Variants in SEPTIN6 observed in about 807,000 individuals in gnomAD.
The protein encoded by SEPTIN6 is septin 6.
A neutral mutation model predicts 33.6 loss-of-function variants in SEPTIN6; 8 were observed. The ratio of observed to expected loss-of-function variants is 0.24; its 90% CI spans 0.14 to 0.43. The LOEUF (loss-of-function observed/expected upper bound fraction) is 0.43. SEPTIN6 is among the 20% of genes least tolerant of loss of function. SEPTIN6 has a pLI of 1.00. For synonymous variants in SEPTIN6, 131 were observed against 140.0 expected (o/e 0.94, Z 0.45); for missense variants, 250 against 340.8 (o/e 0.73, Z 2.10).
downstream of SEPTIN6, chrX:119,615,887 A>C (rs1569414649): frequency 6.0e-6 from 1 of 166,449 alleles, no homozygotes; most frequent in African/African-American, 3.0e-5. Context: ...AGAAAGGAAA[A>C]ACACACACAG....
rs186195926 is a variant in SEPTIN6, at chrX:119,628,047, G to A, written c.1280+1271C>T. On this transcript the variant is annotated intron_variant, in intron 9 of 10. Coordinates refer to ENST00000394610, the MANE Select transcript of SEPTIN6 (RefSeq NM_145799.4). ...ACTCCTGAACTCAAGTGATCCACCC[G>A]CCTTGGCCTCCCAAAGTGCTGGGAT... 2.3e-3 allele frequency among the ~76,000 whole-genome samples: 252 copies of A among 108,477 alleles called. 2 individuals carry two copies. Among genetic ancestry groups the A allele is most frequent in the Non-Finnish European group, 3.9e-3 (205 of 52,299 alleles). The allele number at this position is 108,477 out of a possible 115,157, so 94.2% of individuals were successfully genotyped here.
intron 1 of SEPTIN6, among the ~76,000 whole-genome samples, chrX:119,678,461 A>G (rs1395466679): frequency 9.2e-6 from 1 of 108,899 alleles, no homozygotes; most frequent in African/African-American, 3.4e-5. Context: ...CTGAGCTTGC[A>G]GTGAGCCGAG....
At chrX:119,623,423 G>A (rs188616348) in intron 10 of SEPTIN6, among the ~76,000 whole-genome samples, 1 of 112,002 alleles carries the variant, frequency 8.9e-6, no homozygotes, top group East Asian at 2.8e-4. Flanking sequence ...AATTCAGCAG[G>A]TCTGTAGTAA....
intron 3 of SEPTIN6, among the ~76,000 whole-genome samples, chrX:119,658,075 C>T (rs747095084): frequency 9.0e-6 from 1 of 111,725 alleles, no homozygotes; most frequent in Non-Finnish European, 1.9e-5. Context: ...TGCAGTAAGC[C>T]GAGATAGCGC....
rs187939329 is a variant in SEPTIN6 at position 119,659,208 on chromosome X, A to G, written c.341+4274T>C. Among the ~76,000 whole-genome samples the G allele has an allele frequency of 1.1e-4, 12 of 111,805 alleles. No homozygotes were observed. The East Asian group carries it at 3.4e-3, about 31-fold the overall frequency. On this transcript the variant is annotated intron_variant, in intron 3 of 10. Transcript: ENST00000394610. Reference sequence around the variant, plus strand: ...TAAATAGATGGCCTATTTTCCCAGCATCATCTCCTGAATAGTCCATTCTTC... The same window carrying G: ...TAAATAGATGGCCTATTTTCCCAGCGTCATCTCCTGAATAGTCCATTCTTC...
chrX:119,618,924 C>T lies in SEPTIN6; in HGVS notation c.*1169G>A. On this transcript the variant is annotated 3_prime_UTR_variant, in exon 11 of 11. Transcript: ENST00000394610. The stretch of plus-strand genomic sequence containing the variant: ...TGACAAGGGAGGGCTCTCTACTTCA[C>T]AGAGGTTCCCAAAGCCACTATCAGA... 9.6e-7 allele frequency: 1 copy of T among 1,040,799 alleles called. No homozygotes were observed. Among genetic ancestry groups the T allele is most frequent in the Non-Finnish European group, 1.2e-6 (1 of 807,735 alleles). The allele number at this position is 1,040,799 out of a possible 1,213,427, so 85.8% of individuals were successfully genotyped here.
chrX:119,666,150 C>G (rs2054635298), intron 2 of SEPTIN6, among the ~76,000 whole-genome samples: 1 of 111,324 alleles, frequency 9.0e-6, no homozygotes, highest in South Asian at 3.8e-4. Context: ...TTACTCTGGC[C>G]TGCCCTTTGA....
At chrX:119,628,266 G>C (rs1368357401) in intron 9 of SEPTIN6, among the ~76,000 whole-genome samples, 1 of 104,701 alleles carries the variant, frequency 9.6e-6, no homozygotes. Flanking sequence ...GGGACTACAG[G>C]CAGCTAATTT....
At chrX:119,653,129 A>C (rs1264949996) in intron 3 of SEPTIN6, 89 bp from the exon 4 acceptor site, 3 of 707,493 alleles carry the variant, frequency 4.2e-6, no homozygotes, top group Non-Finnish European at 6.3e-6. Flanking sequence ...TGCCCTCTGT[A>C]ATCTTGACTC....
chrX:119,692,476 C>T (rs950785118), intron 1 of SEPTIN6, among the ~76,000 whole-genome samples: 10 of 111,708 alleles, frequency 9.0e-5, no homozygotes, highest in African/African-American at 3.2e-4. Flanking sequence ...CGCCGCCGCC[C>T]GCCCGGGAAG....
rs773223381 is a variant in SEPTIN6, at chrX:119,633,411, G to A, written c.1038C>T (p.Phe346=). ...QKKEEEMRQM[F]VQRVKEKEAE... Reference sequence around the variant, plus strand: ...CTTCTTTCTCTTTGACTCGCTGGACGAACATCTGTCTCATCTCCTCTTCTT... The same window carrying A: ...CTTCTTTCTCTTTGACTCGCTGGACAAACATCTGTCTCATCTCCTCTTCTT... The change falls in exon 8 of 11, where the codon TTC becomes TTT. Residue 346 remains phenylalanine (F), a synonymous_variant. Transcript: ENST00000394610. 3.1e-5 allele frequency: 38 copies of A among 1,208,763 alleles called. No individual in the cohort carries two copies. Among genetic ancestry groups the A allele is most frequent in the Non-Finnish European group, 3.6e-5 (32 of 894,478 alleles).
chrX:119,631,533 T>A lies in SEPTIN6; in HGVS notation c.1089+1827A>T, dbSNP rs149112788. 3.0e-3 allele frequency among the ~76,000 whole-genome samples: 334 copies of A among 110,904 alleles called. 1 individual carries two copies. The highest frequency in any genetic ancestry group is 0.018 in the East Asian group (64 of 3,506). ...TGCCTATCAATTGCCTTAACCTGGTTTTTGTTTGTTGCACTTTTATTCATT... is the reference window on the plus strand; with the variant it reads ...TGCCTATCAATTGCCTTAACCTGGTATTTGTTTGTTGCACTTTTATTCATT... On this transcript the variant is annotated intron_variant, in intron 8 of 10. Coordinates refer to ENST00000394610, the MANE Select transcript of SEPTIN6 (RefSeq NM_145799.4).
intron 1 of SEPTIN6, among the ~76,000 whole-genome samples, chrX:119,679,000 T>C (rs2054898363): frequency 9.0e-6 from 1 of 110,684 alleles, no homozygotes; most frequent in South Asian, 3.9e-4. Flanking sequence ...CAGGCTAGAG[T>C]GCAGTGGCGC....
Position 119,620,003 on chromosome X carries a change from G to A in SEPTIN6, c.*90C>T, listed in dbSNP as rs76207560. The A allele has an allele frequency of 8.3e-7, 1 of 1,203,507 alleles. No individual in the cohort carries two copies. The highest frequency in any genetic ancestry group is 1.8e-5 in the African/African-American group (1 of 56,408). On this transcript the variant is annotated 3_prime_UTR_variant, in exon 11 of 11. Coordinates refer to ENST00000394610, the MANE Select transcript of SEPTIN6 (RefSeq NM_145799.4). ...TGTTAAGGGGGAAATTAGAGAAAGG[G>A]AGGCCCAGCTCTGTTGCGCAGGAAA...
At position 119,637,018 on chromosome X, in the gene SEPTIN6, G is replaced by A; in HGVS notation, c.956+9C>T. ...GGGCTGGGCTGGGCTGGGCTGGCAG[G>A]AGCGGTACCTGAAGGGTTTGCTGTC... On this transcript the variant is annotated intron_variant, in intron 7 of 10. Transcript: ENST00000394610. 3 of 1,207,718 alleles carry A rather than the reference G, an allele frequency of 2.5e-6. No homozygotes were observed. In the Middle Eastern group the frequency reaches 6.9e-4, roughly 279 times the overall value.
chrX:119,620,901 C>T (rs974382385), intron 10 of SEPTIN6, among the ~76,000 whole-genome samples: 27 of 111,131 alleles, frequency 2.4e-4, no homozygotes, highest in African/African-American at 7.9e-4. Flanking sequence ...GGATTACTGG[C>T]GTGAGGCACT....
intron 4 of SEPTIN6, 61 bp from the exon 5 acceptor site, chrX:119,650,159 A>G: frequency 9.0e-7 from 1 of 1,112,335 alleles, no homozygotes; most frequent in South Asian, 1.9e-5. Context: ...TAGCAGCATG[A>G]CCTAGGACTT....
At chrX:119,629,785 T>C (rs1046220029) in intron 8 of SEPTIN6, among the ~76,000 whole-genome samples, 5 of 112,105 alleles carry the variant, frequency 4.5e-5, no homozygotes, top group African/African-American at 1.6e-4. Flanking sequence ...AGAGTCCCCA[T>C]AGTTACCACA....
chrX:119,663,775 G>C (rs1236730636), intron 2 of SEPTIN6, 98 bp from the exon 3 acceptor site: 1 of 688,043 alleles, frequency 1.5e-6, no homozygotes, highest in Non-Finnish European at 2.2e-6. Flanking sequence ...ACGGGAAAAT[G>C]AACATGATAA....
Sources: gnomAD v4.1 joint callset for allele counts (sites outside exome capture counted in the v4.1 genomes callset) on GRCh38, gnomAD v4.1.1 for gene constraint, MANE v1.5 for transcripts, NCBI Gene and HGNC (gene_info 2026-07-23, HGNC 2026-07-21) for gene names.